The following LRIG1 variants were observed in gnomAD, a reference collection of about 807,000 sequenced individuals.
LRIG1 encodes leucine-rich repeats and immunoglobulin-like domains protein 1.
A neutral mutation model predicts 99.2 loss-of-function variants in LRIG1; 48 were observed. That is an observed-to-expected ratio of 0.48 (90% CI 0.38 to 0.62). The LOEUF is 0.62. LRIG1 is among the 20% of genes least tolerant of loss of function. The pLI, the probability that LRIG1 is intolerant of heterozygous loss-of-function variation, is 0.00. For missense variants in LRIG1, 1,646 were observed against 1,434.4 expected (o/e 1.15, Z -2.38); for synonymous variants, 772 against 596.1 (o/e 1.29, Z -4.30).
intron 1 of LRIG1, among the ~76,000 whole-genome samples, chr3:66,478,831 T>A (rs1225863336): frequency 6.6e-6 from 1 of 151,920 alleles, no homozygotes; most frequent in African/African-American, 2.4e-5. Context: ...GAGTAAGAAA[T>A]TAAAAACAAA....
At chr3:66,428,073 G>A (rs1196231302) in intron 3 of LRIG1, among the ~76,000 whole-genome samples, 1 of 152,100 alleles carries the variant, frequency 6.6e-6, no homozygotes, top group Non-Finnish European at 1.5e-5. Flanking sequence ...TCAGGCTATT[G>A]CAAAAATCAC....
rs1263977538 is a variant in LRIG1 at position 66,413,008 on chromosome 3, G to C, written c.654C>G (p.Leu218=). 5 of 1,614,214 alleles carry C rather than the reference G, an allele frequency of 3.1e-6. No individual in the cohort carries two copies. The South Asian group carries it at 5.5e-5, about 18-fold the overall frequency. The part of the protein sequence containing the change: ...FKLPRLTQLD[L]NRNRIRLIEG... ...CTATCAGCCGAATCCTGTTCCGATT[G>C]AGGTCCCTAAAGAGATGAAGCCAGC... Residue 218 remains leucine (L), a synonymous_variant, in exon 6 of 19, where the codon CTC becomes CTG. Transcript: ENST00000273261.
chr3:66,415,016 T>C lies in LRIG1; in HGVS notation c.551A>G (p.Asp184Gly). 1.9e-6 allele frequency: 3 copies of C among 1,611,842 alleles called. No individual in the cohort carries two copies. Among genetic ancestry groups the C allele is most frequent in the Non-Finnish European group, 2.5e-6 (3 of 1,179,042 alleles). ...AGTTAGCAGCGACCGTGACAGACCATCAAATGCTCCCAACTCCAGGGTGCC... is the reference window on the plus strand; with the variant it reads ...AGTTAGCAGCGACCGTGACAGACCACCAAATGCTCCCAACTCCAGGGTGCC... Reference protein sequence around the residue: ...RIGTLELGAFDGLSRSLLTLR... With the variant: ...RIGTLELGAFGGLSRSLLTLR... Residue 184 changes from aspartate (D) to glycine (G), a missense_variant, in exon 5 of 19, where the codon GAT becomes GGT. Coordinates refer to ENST00000273261, the MANE Select transcript of LRIG1 (RefSeq NM_015541.3).
At chr3:66,453,503 T>G (rs1039883855) in intron 2 of LRIG1, among the ~76,000 whole-genome samples, 2 of 152,226 alleles carry the variant, frequency 1.3e-5, no homozygotes, top group African/African-American at 4.8e-5. Context: ...AAGTCTAGGT[T>G]TTTCCTCATT....
chr3:66,428,500 T>C (rs549553956), intron 3 of LRIG1, among the ~76,000 whole-genome samples: 3 of 152,242 alleles, frequency 2.0e-5, no homozygotes, highest in East Asian at 1.9e-4. Context: ...TAATTCTAAG[T>C]CTCAAAATTG....
chr3:66,454,138 C>G (rs938621778), intron 2 of LRIG1, among the ~76,000 whole-genome samples: 1 of 152,158 alleles, frequency 6.6e-6, no homozygotes, highest in African/African-American at 2.4e-5. Context: ...TCAAAGCCCC[C>G]AGGAGAGGCC....
chr3:66,402,997 G>A (rs1217689061), intron 9 of LRIG1, among the ~76,000 whole-genome samples: 1 of 152,146 alleles, frequency 6.6e-6, no homozygotes, highest in Non-Finnish European at 1.5e-5. Flanking sequence ...TTTTTACATA[G>A]CCCTGTGTAC....
chr3:66,411,650 T>A (rs1282715550), intron 6 of LRIG1, among the ~76,000 whole-genome samples: 1 of 152,084 alleles, frequency 6.6e-6, no homozygotes, highest in Non-Finnish European at 1.5e-5. Context: ...CAGCACAACA[T>A]GTGGATGGAC....
chr3:66,383,135 C>T lies in LRIG1; in HGVS notation c.2338G>A (p.Val780Ile), dbSNP rs529341271. 88 of 1,614,246 alleles carry T rather than the reference C, an allele frequency of 5.5e-5. No homozygotes were observed. The East Asian group carries it at 1.3e-3, about 25-fold the overall frequency. The change falls in exon 15 of 19, where the codon GTC becomes ATC. Residue 780 changes from valine (V) to isoleucine (I), a missense_variant. Val to Ile is a conservative substitution (Grantham distance 29). Transcript: ENST00000273261. The part of the protein sequence containing the change: ...GTERAHSQLS[V>I]LPAAGCRKDG... ...TTCCTGCAGCCTGCTGCGGGCAGGA[C>T]GCTCAGCTGGCTGTGAGCTCGCTCC...
intron 1 of LRIG1, among the ~76,000 whole-genome samples, chr3:66,477,942 T>C (rs531825729): frequency 2.0e-4 from 31 of 152,024 alleles, no homozygotes; most frequent in Admixed American, 7.2e-4. Flanking sequence ...AATTAAACCT[T>C]GGGGGTATGA....
intron 2 of LRIG1, among the ~76,000 whole-genome samples, chr3:66,459,604 G>C (rs1174831755): frequency 6.6e-6 from 1 of 152,144 alleles, no homozygotes; most frequent in Non-Finnish European, 1.5e-5. Flanking sequence ...ACATTACTCT[G>C]TTCTATTTCC....
At chr3:66,498,378 A>C (rs1458045323) in intron 1 of LRIG1, 1 of 152,146 alleles carries the variant, frequency 6.6e-6, no homozygotes, top group East Asian at 1.9e-4. Flanking sequence ...ATTAAAGGGC[A>C]AGGCAAAGTG....
intron 3 of LRIG1, among the ~76,000 whole-genome samples, chr3:66,421,007 A>T (rs975913896): frequency 6.6e-5 from 10 of 151,640 alleles, no homozygotes; most frequent in African/African-American, 2.4e-4. Context: ...GTGCAGGGAA[A>T]CTCCTGTTTT....
At position 66,381,531 on chromosome 3, in the gene LRIG1, C is replaced by G; in HGVS notation, c.2718G>C (p.Glu906Asp). Residue 906 changes from glutamate (E) to aspartate (D), a missense_variant, in exon 17 of 19, where the codon GAG (glutamate) becomes GAC (aspartate). Glu to Asp is a conservative substitution (Grantham distance 45, BLOSUM62 2). Transcript: ENST00000273261. The stretch of plus-strand genomic sequence containing the variant: ...CAGCTTTCTCCATCGCTTTCCACGG[C>G]TCTTTGTGATACGCAGACCCAGCAC... ...KLCAGSAYHK[E>D]PWKAMEKAEG... 6.2e-7 allele frequency: 1 copy of G among 1,614,138 alleles called. No homozygotes were observed. The highest frequency in any genetic ancestry group is 1.1e-5 in the South Asian group (1 of 91,084).
Position 66,386,078 on chromosome 3 carries a change from G to A in LRIG1, c.1692C>T (p.Leu564=), listed in dbSNP as rs368059874. 5 of 1,614,086 alleles carry A rather than the reference G, an allele frequency of 3.1e-6. No homozygotes were observed. Among genetic ancestry groups the A allele is most frequent in the Admixed American group, 1.7e-5 (1 of 60,012 alleles). Residue 564 remains leucine (L), a synonymous_variant, in exon 13 of 19, where the codon CTC becomes CTT. Coordinates refer to ENST00000273261, the MANE Select transcript of LRIG1 (RefSeq NM_015541.3). ...EVMEYTTILH[L]RQVTFGHEGR... is the part of the protein sequence containing the mutation. ...CCTCGTGCCCGAAAGTGACCTGACG[G>A]AGGTGCAGGATGGTGGTGTACTCCA...
At chr3:66,403,400 T>G (rs1179316368) in intron 9 of LRIG1, among the ~76,000 whole-genome samples, 1 of 150,966 alleles carries the variant, frequency 6.6e-6, no homozygotes, top group East Asian at 1.9e-4. Context: ...TCACCCTTTT[T>G]CAAACATACA....
intron 1 of LRIG1, among the ~76,000 whole-genome samples, chr3:66,494,263 A>T (rs1701178642): frequency 6.6e-6 from 1 of 152,242 alleles, no homozygotes. Flanking sequence ...TCACACATGT[A>T]GCTGTAGACT....
At chr3:66,411,203 C>T (rs78602754) in intron 6 of LRIG1, among the ~76,000 whole-genome samples, 5,512 of 152,256 alleles carry the variant, frequency 0.036, 332 homozygotes, top group African/African-American at 0.12. Flanking sequence ...CCCAGGCAAC[C>T]GCCTCTTCAA....
chr3:66,453,232 A>G (rs1174137930), intron 2 of LRIG1, among the ~76,000 whole-genome samples: 2 of 152,194 alleles, frequency 1.3e-5, no homozygotes, highest in Admixed American at 1.3e-4. Flanking sequence ...TTGCCTAAGA[A>G]CTCTTTCATT....
Sources: gnomAD v4.1 joint callset for allele counts (sites outside exome capture counted in the v4.1 genomes callset) on GRCh38, gnomAD v4.1.1 for gene constraint, MANE v1.5 for transcripts, NCBI Gene and HGNC (gene_info 2026-07-23, HGNC 2026-07-21) for gene names.